PDE4D: variants seen among roughly 807,000 people sequenced by gnomAD.
The protein encoded by PDE4D is 3',5'-cyclic-AMP phosphodiesterase 4D.
Under a neutral mutation model 87.4 loss-of-function variants are expected in PDE4D, and 24 were observed. The observed-to-expected ratio is 0.27, with a 90% CI of 0.20 to 0.39. The LOEUF (loss-of-function observed/expected upper bound fraction) is 0.39. PDE4D is among the 10% of genes least tolerant of loss of function. The pLI, the probability that PDE4D is intolerant of heterozygous loss-of-function variation, is 1.00. For missense variants in PDE4D, 714 were observed against 1,041.0 expected (o/e 0.69, Z 4.32); for synonymous variants, 384 against 383.2 (o/e 1.00, Z -0.02).
At chr5:59,353,495 C>T (rs1780859961) in intron 1 of PDE4D, among the ~76,000 whole-genome samples, 1 of 151,996 alleles carries the variant, frequency 6.6e-6, no homozygotes, top group South Asian at 2.1e-4. Context: ...TTAGGTGAAT[C>T]TTTAAACATG....
chr5:59,357,876 C>T (rs1346119105), intron 1 of PDE4D, among the ~76,000 whole-genome samples: 1 of 152,282 alleles, frequency 6.6e-6, no homozygotes, highest in East Asian at 1.9e-4. Flanking sequence ...CCAAACACTG[C>T]CCCGCGGGTG....
intron 1 of PDE4D, among the ~76,000 whole-genome samples, chr5:59,565,935 TAA>T (rs1297841472): frequency 1.3e-5 from 2 of 152,188 alleles, no homozygotes; most frequent in South Asian, 2.1e-4. Flanking sequence ...AAGCAAAACT[TAA>T]AAGAGACTCA....
At chr5:60,038,951 G>C (rs942749922) in intron 2 of PDE4D, among the ~76,000 whole-genome samples, 10 of 150,966 alleles carry the variant, frequency 6.6e-5, no homozygotes, top group African/African-American at 2.4e-4. Flanking sequence ...GTGCTGGAGA[G>C]GATGTGGAGA....
At chr5:59,078,152 A>G (rs1766035981) in intron 5 of PDE4D, among the ~76,000 whole-genome samples, 1 of 152,198 alleles carries the variant, frequency 6.6e-6, no homozygotes, top group Non-Finnish European at 1.5e-5. Context: ...GGAAGTATGC[A>G]CGACAATGTT....
chr5:60,399,356 G>C (rs1185438745), intron 1 of PDE4D, among the ~76,000 whole-genome samples: 1 of 152,172 alleles, frequency 6.6e-6, no homozygotes, highest in African/African-American at 2.4e-5. Context: ...GAAAATTAAA[G>C]GTTCAAAAGA....
At chr5:59,831,249 A>T (rs1741156753) in intron 1 of PDE4D, among the ~76,000 whole-genome samples, 2 of 149,662 alleles carry the variant, frequency 1.3e-5, no homozygotes, top group South Asian at 2.1e-4. Context: ...GGCCATTAAA[A>T]TTGAAAAGTT....
chr5:59,937,864 C>T (rs1756770870), intron 3 of PDE4D, among the ~76,000 whole-genome samples: 1 of 152,158 alleles, frequency 6.6e-6, no homozygotes, highest in Non-Finnish European at 1.5e-5. Flanking sequence ...CTCAAGAGAC[C>T]ATACTTAGCT....
intron 2 of PDE4D, among the ~76,000 whole-genome samples, chr5:59,193,962 G>A (rs1416517760): frequency 6.6e-6 from 1 of 152,226 alleles, no homozygotes; most frequent in Non-Finnish European, 1.5e-5. Flanking sequence ...TTAGCATGGA[G>A]TGTTCCACAT....
At chr5:60,159,498 GCCA>G (rs1003275287) in intron 2 of PDE4D, among the ~76,000 whole-genome samples, 1 of 151,884 alleles carries the variant, frequency 6.6e-6, no homozygotes, top group African/African-American at 2.4e-5. Context: ...TATATCACCG[GCCA>G]TGCAGTGAGT....
At chr5:60,505,592 G>C (rs1750286021) in intron 1 of PDE4D, among the ~76,000 whole-genome samples, 1 of 152,178 alleles carries the variant, frequency 6.6e-6, no homozygotes, top group Non-Finnish European at 1.5e-5. Flanking sequence ...TGATTTAGCA[G>C]GCAAATTTAC....
At chr5:59,938,682 A>T (rs750613629) in intron 3 of PDE4D, among the ~76,000 whole-genome samples, 2 of 152,160 alleles carry the variant, frequency 1.3e-5, no homozygotes, top group Admixed American at 6.6e-5. Context: ...ACGTTCATAC[A>T]TACTTCTTGA....
intron 1 of PDE4D, among the ~76,000 whole-genome samples, chr5:59,871,920 C>A (rs762113855): frequency 6.6e-6 from 1 of 152,082 alleles, no homozygotes; most frequent in Non-Finnish European, 1.5e-5. Flanking sequence ...CCTTTTGATT[C>A]TTTTTCATCC....
chr5:58,996,146 G>A (rs1439086021), intron 6 of PDE4D, among the ~76,000 whole-genome samples: 3 of 152,114 alleles, frequency 2.0e-5, no homozygotes, highest in Non-Finnish European at 4.4e-5. Context: ...GAGCGGGTAG[G>A]GAGGGGAAGG....
chr5:60,299,416 A>G (rs1336753440), intron 1 of PDE4D, among the ~76,000 whole-genome samples: 1 of 152,218 alleles, frequency 6.6e-6, no homozygotes, highest in Non-Finnish European at 1.5e-5. Context: ...TTTAAGTTCA[A>G]GGGTACATGT....
chr5:59,015,255 G>A (rs191648937), intron 6 of PDE4D, among the ~76,000 whole-genome samples: 14,400 of 150,160 alleles, frequency 0.096, 921 homozygotes, highest in Non-Finnish European at 0.13. Flanking sequence ...ATGGCAACAA[G>A]AGCCAAAATT....
At chr5:59,178,827 G>T (rs367659032) in intron 5 of PDE4D, among the ~76,000 whole-genome samples, 1 of 152,158 alleles carries the variant, frequency 6.6e-6, no homozygotes. Context: ...TGCAAAATTG[G>T]GGGTTGAGGG....
intron 2 of PDE4D, among the ~76,000 whole-genome samples, chr5:60,176,395 T>C (rs926449697): frequency 7.9e-5 from 12 of 152,166 alleles, no homozygotes; most frequent in Non-Finnish European, 1.5e-4. Context: ...TTTTTCCTTA[T>C]GGTAAGAATG....
chr5:60,277,778 T>C (rs1751520645), intron 1 of PDE4D, among the ~76,000 whole-genome samples: 1 of 152,174 alleles, frequency 6.6e-6, no homozygotes, highest in Admixed American at 6.5e-5. Flanking sequence ...TTACATCATA[T>C]TTGTTTAATG....
chr5:59,811,612 C>A (rs1768357091), intron 1 of PDE4D, among the ~76,000 whole-genome samples: 1 of 152,194 alleles, frequency 6.6e-6, no homozygotes, highest in South Asian at 2.1e-4. Context: ...ATGTCCCCAG[C>A]CTCTCTGCCT....
Sources: allele counts gnomAD v4.1 joint callset (sites outside exome capture counted in the v4.1 genomes callset), GRCh38; gene constraint gnomAD v4.1.1; transcripts MANE v1.5; gene names NCBI Gene and HGNC (gene_info 2026-07-23, HGNC 2026-07-21).